Variants in ACSM1 observed in about 807,000 individuals in gnomAD.
ACSM1 encodes the protein acyl-CoA synthetase medium chain family member 1, also known as acyl-coenzyme A synthetase ACSM1, mitochondrial.
A neutral mutation model predicts 75.8 loss-of-function variants in ACSM1; 79 were observed. The observed-to-expected ratio is 1.04, with a 90% CI of 0.87 to 1.26. The LOEUF is 1.26. Among genes scored for constraint, ACSM1 ranks in the 50% most tolerant of loss-of-function variants. The pLI, the probability that ACSM1 is intolerant of heterozygous loss-of-function variation, is 0.00. For missense variants in ACSM1, 676 were observed against 720.1 expected (o/e 0.94, Z 0.70); for synonymous variants, 279 against 265.8 (o/e 1.05, Z -0.48).
Position 20,637,469 on chromosome 16 carries a change from A to G in ACSM1, c.1117-18T>C, listed in dbSNP as rs1409771380. The G allele has an allele frequency of 6.2e-7, 1 of 1,610,494 alleles. No individual in the cohort carries two copies. The highest frequency in any genetic ancestry group is 2.2e-5 in the East Asian group (1 of 44,868). On this transcript the variant is annotated intron_variant, in intron 8 of 13. Coordinates refer to ENST00000520010, the MANE Select transcript of ACSM1 (RefSeq NM_001318890.3). ...ATTAGTCCCTGTTCACAAAAGAAAG[A>G]AGATTTGGGTTGATCAGAGAGGCCA...
At chr16:20,637,767 G>T (rs1467969717) in intron 8 of ACSM1, among the ~76,000 whole-genome samples, 1 of 152,224 alleles carries the variant, frequency 6.6e-6, no homozygotes, top group Non-Finnish European at 1.5e-5. Flanking sequence ...GTGGGGTGTG[G>T]CATGCCCACC....
chr16:20,683,577 G>A (rs2079488772), intron 3 of ACSM1, among the ~76,000 whole-genome samples: 1 of 150,212 alleles, frequency 6.7e-6, no homozygotes, highest in Non-Finnish European at 1.5e-5. Flanking sequence ...CTCACCCCAT[G>A]CTTGGAATGT....
chr16:20,666,511 T>C (rs546899952), intron 6 of ACSM1, among the ~76,000 whole-genome samples: 1 of 152,330 alleles, frequency 6.6e-6, no homozygotes, highest in East Asian at 1.9e-4. Flanking sequence ...TCCATGCTCA[T>C]ATATTGGAAG....
intron 5 of ACSM1, 89 bp downstream of exon 5, chr16:20,671,441 AC>A: frequency 9.3e-6 from 1 of 107,662 alleles, no homozygotes. Flanking sequence ...CTTTCCCAAG[AC>A]ACACACACAC....
chr16:20,635,733 G>A (rs1205827554), intron 10 of ACSM1, among the ~76,000 whole-genome samples: 4 of 151,640 alleles, frequency 2.6e-5, no homozygotes, highest in South Asian at 2.1e-4. Context: ...TCCGCCTCCC[G>A]GGTTTAAGTG....
At position 20,669,815 on chromosome 16, in the gene ACSM1, G is replaced by A. The variant is rs1260671944; in HGVS notation, c.912+12C>T. 1 of 1,611,332 alleles carries A rather than the reference G, an allele frequency of 6.2e-7. No individual in the cohort carries two copies. The highest frequency in any genetic ancestry group is 1.7e-5 in the Admixed American group (1 of 59,536). ...TGGAATTTTGCTGATAGGGGAAGGT[G>A]AGTCTTCTTACCTGTATGATGACCT... On this transcript the variant is annotated intron_variant, in intron 6 of 13. Transcript: ENST00000520010.
chr16:20,656,480 T>C (rs1278759704), intron 7 of ACSM1, among the ~76,000 whole-genome samples: 1 of 152,138 alleles, frequency 6.6e-6, no homozygotes, highest in Non-Finnish European at 1.5e-5. Flanking sequence ...TTTGGGTGAC[T>C]AAAAAGTTAA....
At position 20,640,530 on chromosome 16, in the gene ACSM1, G is replaced by A; in HGVS notation, c.1047C>T (p.Pro349=). ...GTCTTTTCCACTCCTCCTGATCCTT[G>A]GGCAACACGACCTCCCCGCCAGTAT... ...HCYTGGEVVL[P]KDQEEWKRRT... The change falls in exon 8 of 14, where the codon CCC becomes CCT. Residue 349 remains proline, a synonymous_variant. Coordinates refer to ENST00000520010, the MANE Select transcript of ACSM1 (RefSeq NM_001318890.3). 1.2e-6 allele frequency: 2 copies of A among 1,614,066 alleles called. No homozygotes were observed. Among genetic ancestry groups the A allele is most frequent in the South Asian group, 1.1e-5 (1 of 91,076 alleles).
chr16:20,655,737 A>C (rs1219099439), intron 7 of ACSM1, among the ~76,000 whole-genome samples: 2 of 152,192 alleles, frequency 1.3e-5, no homozygotes, highest in African/African-American at 4.8e-5. Context: ...ATCTCAGCTC[A>C]CTGCAACCTC....
At chr16:20,635,645 TTTCTTTC>T (rs2017660404) in intron 10 of ACSM1, among the ~76,000 whole-genome samples, 1 of 104,368 alleles carries the variant, frequency 9.6e-6, no homozygotes. Flanking sequence ...TCTTTCTTTC[TTTCTTTC>T]ATTTTGAGAT....
chr16:20,679,176 G>A (rs1001761868), intron 4 of ACSM1: 3 of 152,136 alleles, frequency 2.0e-5, no homozygotes, highest in South Asian at 4.1e-4. Flanking sequence ...GTCACACCTT[G>A]GATTCACCAT....
chr16:20,687,441 G>A (rs1341901233), intron 2 of ACSM1, among the ~76,000 whole-genome samples: 2 of 152,044 alleles, frequency 1.3e-5, no homozygotes, highest in African/African-American at 2.4e-5. Context: ...GCCTGAGAAG[G>A]CCTAAAGCCT....
At chr16:20,625,395 G>A (rs1359186188) in intron 12 of ACSM1, 28 bp downstream of exon 12, 1 of 1,608,186 alleles carries the variant, frequency 6.2e-7, no homozygotes, top group Admixed American at 1.7e-5. Context: ...CCCACGCACA[G>A]ACATGATGAT....
intron 4 of ACSM1, chr16:20,674,372 AT>A: frequency 4.8e-6 from 1 of 210,520 alleles, no homozygotes; most frequent in South Asian, 5.9e-5. Context: ...AAATGATGTA[AT>A]GCATGTCTCA....
chr16:20,634,820 C>G (rs2017563789), intron 10 of ACSM1, among the ~76,000 whole-genome samples: 1 of 151,690 alleles, frequency 6.6e-6, no homozygotes, highest in East Asian at 1.9e-4. Context: ...ATTGTACACT[C>G]AAAAATGGTG....
chr16:20,660,065 C>T (rs1419164061), intron 7 of ACSM1, among the ~76,000 whole-genome samples: 1 of 152,144 alleles, frequency 6.6e-6, no homozygotes, highest in Non-Finnish European at 1.5e-5. Flanking sequence ...CTCAGGACCT[C>T]CTGAGGGCTG....
At chr16:20,696,898 G>T (rs1213014134) in intron 1 of ACSM1, among the ~76,000 whole-genome samples, 3 of 152,160 alleles carry the variant, frequency 2.0e-5, no homozygotes, top group Non-Finnish European at 2.9e-5. Context: ...TAGCAGCTGG[G>T]TCTTTGGTGC....
intron 4 of ACSM1, among the ~76,000 whole-genome samples, chr16:20,677,964 C>T (rs567742039): frequency 6.6e-6 from 1 of 151,510 alleles, no homozygotes; most frequent in South Asian, 2.1e-4. Flanking sequence ...AAAGATGTGG[C>T]AGAGATGCAC....
intron 7 of ACSM1, among the ~76,000 whole-genome samples, chr16:20,644,525 C>T (rs2152224809): frequency 6.8e-6 from 1 of 146,970 alleles, no homozygotes; most frequent in South Asian, 2.2e-4. Flanking sequence ...TGGCTCCTCC[C>T]ATGTGATTGA....
Sources: gnomAD v4.1 joint callset for allele counts (sites outside exome capture counted in the v4.1 genomes callset) on GRCh38, gnomAD v4.1.1 for gene constraint, MANE v1.5 for transcripts, NCBI Gene and HGNC (gene_info 2026-07-23, HGNC 2026-07-21) for gene names.